SMAP1: variants seen among roughly 807,000 people sequenced by gnomAD.
The protein encoded by SMAP1 is stromal membrane-associated protein 1.
SMAP1 carries 24 observed loss-of-function variants against 58.5 expected under a neutral mutation model. The ratio of observed to expected loss-of-function variants is 0.41; its 90% CI spans 0.30 to 0.58. The LOEUF is 0.58. SMAP1 is among the 20% of genes least tolerant of loss of function. The pLI, the probability that SMAP1 is intolerant of heterozygous loss-of-function variation, is 0.29. For missense variants in SMAP1, 563 were observed against 566.3 expected, an observed-to-expected ratio of 0.99 and a Z score of 0.06; for synonymous variants, 216 against 196.6, an observed-to-expected ratio of 1.10 and a Z score of -0.82.
chr6:70,837,772 T>G (rs1770652918), intron 7 of SMAP1: 1 of 1,220,014 alleles, frequency 8.2e-7, no homozygotes, highest in South Asian at 1.6e-5. Context: ...AATTTTTCTT[T>G]TTTTTTAGTT....
intron 2 of SMAP1, among the ~76,000 whole-genome samples, chr6:70,747,393 G>A (rs1260104508): frequency 6.6e-6 from 1 of 152,162 alleles, no homozygotes; most frequent in Non-Finnish European, 1.5e-5. Flanking sequence ...AGAGTGCTAG[G>A]TGCAGTTATA....
Position 70,792,624 on chromosome 6 carries a change from G to A in SMAP1, c.495+855G>A, listed in dbSNP as rs925656108. On this transcript the variant is annotated intron_variant, in intron 5 of 10. Transcript: ENST00000370455. Reference sequence around the variant, plus strand: ...CTCTGAATAAGCATTAGATATAAGGGGAAGGATTAGGAAGAATTCCATACA... The same window carrying A: ...CTCTGAATAAGCATTAGATATAAGGAGAAGGATTAGGAAGAATTCCATACA... Among the ~76,000 whole-genome samples the A allele has an allele frequency of 2.7e-4, 41 of 152,094 alleles. 1 individual carries two copies. Among genetic ancestry groups the A allele is most frequent in the African/African-American group, 8.9e-4 (37 of 41,492 alleles).
At chr6:70,735,565 T>C (rs1385195662) in intron 2 of SMAP1, among the ~76,000 whole-genome samples, 1 of 152,176 alleles carries the variant, frequency 6.6e-6, no homozygotes, top group Non-Finnish European at 1.5e-5. Flanking sequence ...ATCCGAGAGT[T>C]TGAGACCAGC....
chr6:70,748,485 A>G (rs1766139633), intron 2 of SMAP1, among the ~76,000 whole-genome samples: 1 of 152,142 alleles, frequency 6.6e-6, no homozygotes. Context: ...TAAATGCCAT[A>G]TTTATGCTTT....
In SMAP1 at chr6:70,860,737, A is replaced by G. The variant is rs1276611612; in HGVS notation, c.*403A>G. 1.0e-5 allele frequency: 4 copies of G among 401,090 alleles called. No individual in the cohort carries two copies. The highest frequency in any genetic ancestry group is 4.3e-5 in the Admixed American group (1 of 23,288). The allele number at this position is 401,090 out of a possible 1,614,324, so 24.8% of individuals were successfully genotyped here. On this transcript the variant is annotated 3_prime_UTR_variant, in exon 11 of 11. Coordinates refer to ENST00000370455, the MANE Select transcript of SMAP1 (RefSeq NM_001044305.3). ...CAGTAATCCTGTAGGAAGGTACTGT[A>G]TGATCAAATGTTTAATCATATAAAT...
intron 3 of SMAP1, among the ~76,000 whole-genome samples, chr6:70,764,530 G>A (rs898683247): frequency 6.6e-6 from 1 of 152,232 alleles, no homozygotes; most frequent in African/African-American, 2.4e-5. Flanking sequence ...TAAGAATTAA[G>A]CTACATCTAT....
chr6:70,783,831 G>T (rs1006271267), intron 4 of SMAP1, among the ~76,000 whole-genome samples: 3 of 152,140 alleles, frequency 2.0e-5, no homozygotes, highest in Non-Finnish European at 4.4e-5. Context: ...CCTGATTGGT[G>T]TACCTGAAAG....
chr6:70,729,493 G>GTGTA (rs1554194431), intron 1 of SMAP1, among the ~76,000 whole-genome samples: 1 of 148,524 alleles, frequency 6.7e-6, no homozygotes, highest in South Asian at 2.1e-4. Context: ...GTGTGTGTGT[G>GTGTA]TATGTGTGTA....
chr6:70,802,307 C>T (rs1471404458), intron 6 of SMAP1, among the ~76,000 whole-genome samples: 4 of 151,812 alleles, frequency 2.6e-5, no homozygotes, highest in Non-Finnish European at 5.9e-5. Flanking sequence ...CATGATTTGG[C>T]TCTCTGTCAT....
intron 3 of SMAP1, among the ~76,000 whole-genome samples, chr6:70,764,983 G>A (rs1022358030): frequency 6.6e-6 from 1 of 151,960 alleles, no homozygotes; most frequent in South Asian, 2.1e-4. Context: ...GTATTTTTTT[G>A]TAGAGATGGA....
chr6:70,835,764 C>T (rs370515559), intron 6 of SMAP1, among the ~76,000 whole-genome samples: 1 of 152,158 alleles, frequency 6.6e-6, no homozygotes, highest in East Asian at 1.9e-4. Flanking sequence ...ACCTTGTCCT[C>T]CTAAAGTGCT....
intron 6 of SMAP1, among the ~76,000 whole-genome samples, chr6:70,812,734 A>G (rs552025976): frequency 2.0e-5 from 3 of 152,332 alleles, no homozygotes; most frequent in East Asian, 1.9e-4. Context: ...TCCATTACCT[A>G]TGTTTTCACC....
chr6:70,770,556 G>C (rs1460762255), intron 3 of SMAP1, among the ~76,000 whole-genome samples: 1 of 152,082 alleles, frequency 6.6e-6, no homozygotes, highest in East Asian at 1.9e-4. Flanking sequence ...CCTGAGGTTT[G>C]TGCATTCTTC....
rs575008239 is a variant in SMAP1, at chr6:70,861,991, T to TAA, written c.*1668_*1669dup. ...CTTACAGCAAATCCTTTGTGAAAAA[T>TAA]AAAAAAAAAAAAGAGACTTTAAAAT... On this transcript the variant is annotated 3_prime_UTR_variant, in exon 11 of 11. Transcript: ENST00000370455. 6.7e-5 allele frequency: 82 copies of TAA among 1,219,762 alleles called. No individual in the cohort carries two copies. Among genetic ancestry groups the TAA allele is most frequent in the Middle Eastern group, 4.7e-4 (2 of 4,250 alleles). The allele number at this position is 1,219,762 out of a possible 1,614,324, so 75.6% of individuals were successfully genotyped here.
intron 4 of SMAP1, among the ~76,000 whole-genome samples, chr6:70,776,192 C>CT (rs940905702): frequency 9.3e-5 from 14 of 151,280 alleles, no homozygotes; most frequent in East Asian, 3.9e-4. Flanking sequence ...TTTTTCTTTT[C>CT]TTTTTTTTTG....
intron 7 of SMAP1, among the ~76,000 whole-genome samples, chr6:70,840,510 C>T (rs1770761361): frequency 6.6e-6 from 1 of 152,272 alleles, no homozygotes; most frequent in Admixed American, 6.5e-5. Context: ...TACAACTATT[C>T]AACTCCCATT....
intron 4 of SMAP1, among the ~76,000 whole-genome samples, chr6:70,788,156 T>C (rs1304758014): frequency 6.6e-6 from 1 of 151,560 alleles, no homozygotes; most frequent in Non-Finnish European, 1.5e-5. Context: ...TGTAGGGACA[T>C]GGATGAAACT....
chr6:70,693,486 T>C (rs1446265680), intron 1 of SMAP1, among the ~76,000 whole-genome samples: 3 of 151,806 alleles, frequency 2.0e-5, no homozygotes, highest in Admixed American at 2.0e-4. Flanking sequence ...GTATTTTTAG[T>C]AGAGACAGGG....
At chr6:70,740,149 T>C (rs1004450666) in intron 2 of SMAP1, among the ~76,000 whole-genome samples, 2 of 152,232 alleles carry the variant, frequency 1.3e-5, no homozygotes, top group Non-Finnish European at 2.9e-5. Context: ...TGATTCTTTC[T>C]GCTGATCATT....
Sources: gnomAD v4.1 joint callset for allele counts (sites outside exome capture counted in the v4.1 genomes callset) on GRCh38, gnomAD v4.1.1 for gene constraint, MANE v1.5 for transcripts, NCBI Gene and HGNC (gene_info 2026-07-23, HGNC 2026-07-21) for gene names.